RUNX1T1: variants seen among roughly 807,000 people sequenced by gnomAD.
The protein encoded by RUNX1T1 is RUNX1 partner transcriptional co-repressor 1.
Under a neutral mutation model 62.8 loss-of-function variants are expected in RUNX1T1, and 4 were observed. The ratio of observed to expected loss-of-function variants is 0.06; its 90% CI spans 0.03 to 0.15. The LOEUF is 0.15. RUNX1T1 is among the 10% of genes least tolerant of loss of function. The probability of loss-of-function intolerance (pLI) is 1.00; values close to 1 mark genes in which losing one functional copy is unlikely to be tolerated. For synonymous variants in RUNX1T1, 291 were observed against 286.0 expected (o/e 1.02, Z -0.18); for missense variants, 508 against 754.3 (o/e 0.67, Z 3.82).
chr8:91,972,734 C>T lies in RUNX1T1; in HGVS notation c.1268-1886G>A, dbSNP rs115175451. Reference sequence around the variant, plus strand: ...TCAGGCAATTTACATTTAAATTATGCATTCCTATTCTAATCCCACAGGCAT... The same window carrying T: ...TCAGGCAATTTACATTTAAATTATGTATTCCTATTCTAATCCCACAGGCAT... On this transcript the variant is annotated intron_variant, in intron 9 of 10. Coordinates refer to ENST00000396218, the Ensembl canonical transcript of RUNX1T1. Among the ~76,000 whole-genome samples, 1,084 of 152,132 alleles carry T rather than the reference C, an allele frequency of 7.1e-3. 13 individuals are homozygous for T. Among genetic ancestry groups the T allele is most frequent in the African/African-American group, 0.024 (1,010 of 41,556 alleles).
chr8:92,097,162 G>A (rs1174688035), intron 1 of RUNX1T1, among the ~76,000 whole-genome samples: 6 of 152,156 alleles, frequency 3.9e-5, no homozygotes, highest in Admixed American at 1.3e-4. Context: ...ATCCAATAAC[G>A]TGGAAAACCT....
intron 8 of RUNX1T1, among the ~76,000 whole-genome samples, chr8:91,978,096 T>A (rs915752792): frequency 2.6e-5 from 4 of 152,276 alleles, no homozygotes; most frequent in South Asian, 4.1e-4. Context: ...ATTTTTTTTT[T>A]ATTAAATAGT....
intron 1 of RUNX1T1, among the ~76,000 whole-genome samples, chr8:92,034,374 T>A (rs1826851003): frequency 6.6e-6 from 1 of 152,072 alleles, no homozygotes; most frequent in African/African-American, 2.4e-5. Flanking sequence ...ATTTAGTAAG[T>A]GCCATGTGAC....
At chr8:91,981,320 G>C (rs1401785532) in intron 8 of RUNX1T1, among the ~76,000 whole-genome samples, 1 of 148,338 alleles carries the variant, frequency 6.7e-6, no homozygotes, top group Non-Finnish European at 1.5e-5. Context: ...TTGCCAGCTA[G>C]CAGTATTTTA....
intron 8 of RUNX1T1, among the ~76,000 whole-genome samples, chr8:91,979,341 C>A (rs1814687134): frequency 6.6e-6 from 1 of 152,106 alleles, no homozygotes; most frequent in Non-Finnish European, 1.5e-5. Context: ...ACACATCTAC[C>A]TAAAACATCC....
chr8:91,980,070 G>C lies in RUNX1T1; in HGVS notation c.1199-4097C>G, dbSNP rs145123492. On this transcript the variant is annotated intron_variant, in intron 8 of 10. Transcript: ENST00000396218. Reference sequence around the variant, plus strand: ...AATACATTCAGAAATCTTCACACTAGGTTTCAGAAGCCCAAATCCAACCTA... The same window carrying C: ...AATACATTCAGAAATCTTCACACTACGTTTCAGAAGCCCAAATCCAACCTA... 7.0e-4 allele frequency: 160 copies of C among 229,450 alleles called. 4 individuals carry two copies. The East Asian group carries it at 0.012, about 17-fold the overall frequency. The allele number at this position is 229,450 out of a possible 1,614,324, so 14.2% of individuals were successfully genotyped here.
chr8:92,094,973 A>T, intron 1 of RUNX1T1: 1 of 1,346,428 alleles, frequency 7.4e-7, no homozygotes, highest in Non-Finnish European at 1.0e-6. Context: ...CTTTAAACCT[A>T]TTCAGACTGG....
intron 4 of RUNX1T1, chr8:92,006,786 C>A (rs1177590119): frequency 1.3e-5 from 2 of 151,698 alleles, no homozygotes; most frequent in African/African-American, 4.8e-5. Flanking sequence ...AGGTTTTAAG[C>A]CCCATATATG....
At chr8:92,062,470 G>T in intron 1 of RUNX1T1, 8 of 1,471,774 alleles carry the variant, frequency 5.4e-6, no homozygotes, top group Non-Finnish European at 7.6e-6. Context: ...GGGGCAGAAG[G>T]TATTTTCCAT....
At chr8:92,073,690 T>C (rs1015192785) in intron 2 of RUNX1T1, among the ~76,000 whole-genome samples, 2 of 152,290 alleles carry the variant, frequency 1.3e-5, no homozygotes, top group Middle Eastern at 3.4e-3. Context: ...GTAATTATTA[T>C]TGTTAGTATA....
chr8:91,958,051 TA>T (rs1809629153), downstream of RUNX1T1: 1 of 208,746 alleles, frequency 4.8e-6, no homozygotes, highest in African/African-American at 2.3e-5. Flanking sequence ...TGCAGATACT[TA>T]AAAGCCACTT....
At chr8:92,102,875 G>A, upstream of RUNX1T1, 1 of 1,520,922 alleles carries the variant, frequency 6.6e-7, no homozygotes. The surrounding 1 kb of genome is among the most constrained non-coding windows in gnomAD (Gnocchi z 4.5). Context: ...GGGCCGGAGA[G>A]TCCCACCATC....
chr8:91,981,536 T>A (rs528477314), intron 8 of RUNX1T1, among the ~76,000 whole-genome samples: 1 of 143,714 alleles, frequency 7.0e-6, no homozygotes, highest in South Asian at 2.4e-4. Context: ...GGCCTCAGCC[T>A]CCCGAGTAGC....
intron 10 of RUNX1T1, among the ~76,000 whole-genome samples, chr8:91,963,273 C>T (rs1376324292): frequency 6.6e-6 from 1 of 152,000 alleles, no homozygotes; most frequent in Admixed American, 6.6e-5. Context: ...ATTTACCACC[C>T]ACCACTGGGA....
rs185610096 is a variant in RUNX1T1, at chr8:92,075,836, C to T, written c.88+129G>A. 22 of 804,232 alleles carry T rather than the reference C, an allele frequency of 2.7e-5. No homozygotes were observed. In the African/African-American group the frequency reaches 3.5e-4, roughly 13 times the overall value. The allele number at this position is 804,232 out of a possible 1,614,324, so 49.8% of individuals were successfully genotyped here. On this transcript the variant is annotated intron_variant, in intron 2 of 11. Coordinates refer to the RUNX1T1 transcript ENST00000265814. ...TTCAAAGACAAATGTTTAAAACATA[C>T]AATAGAACAGGCACTAGAAGAAGGA... is the stretch of plus-strand genomic sequence containing the variant.
At chr8:92,073,344 A>G (rs907853082) in intron 2 of RUNX1T1, among the ~76,000 whole-genome samples, 5 of 151,934 alleles carry the variant, frequency 3.3e-5, no homozygotes, top group African/African-American at 1.2e-4. Context: ...CTGGTGGCAT[A>G]CCCCTTTAGT....
chr8:91,962,120 T>C (rs1267491296), intron 10 of RUNX1T1, among the ~76,000 whole-genome samples: 1 of 152,192 alleles, frequency 6.6e-6, no homozygotes, highest in African/African-American at 2.4e-5. Flanking sequence ...TGTTAACAAA[T>C]AAATGGGCTC....
intron 8 of RUNX1T1, among the ~76,000 whole-genome samples, chr8:91,983,801 A>G (rs1815957364): frequency 6.6e-6 from 1 of 152,230 alleles, no homozygotes; most frequent in Non-Finnish European, 1.5e-5. Context: ...GCCCATAATT[A>G]CAAACCACCT....
chr8:92,033,756 G>T (rs1365672073), intron 1 of RUNX1T1, among the ~76,000 whole-genome samples: 1 of 152,174 alleles, frequency 6.6e-6, no homozygotes, highest in Non-Finnish European at 1.5e-5. Flanking sequence ...CGGATCATGA[G>T]GTTAGGAGTT....
Sources: allele counts gnomAD v4.1 joint callset (sites outside exome capture counted in the v4.1 genomes callset), GRCh38; gene constraint gnomAD v4.1.1; non-coding constraint Gnocchi (gnomAD v3.1); transcripts MANE v1.5; gene names NCBI Gene and HGNC (gene_info 2026-07-23, HGNC 2026-07-21).